SOD1: variants seen among roughly 807,000 people sequenced by gnomAD.
SOD1 encodes superoxide dismutase [Cu-Zn].
Under a neutral mutation model 15.9 loss-of-function variants are expected in SOD1, and 8 were observed. The ratio of observed to expected loss-of-function variants is 0.50; its 90% CI spans 0.30 to 0.91. The LOEUF is 0.91. SOD1 is among the 40% of genes least tolerant of loss of function. The probability of loss-of-function intolerance (pLI) is 0.07; values close to 1 mark genes in which losing one functional copy is unlikely to be tolerated. For synonymous variants in SOD1, 86 were observed against 71.2 expected (o/e 1.21, Z -1.04); for missense variants, 137 against 194.5 (o/e 0.70, Z 1.76).
chr21:31,668,517 G>A lies in SOD1; in HGVS notation c.404G>A (p.Ser135Asn), dbSNP rs121912451. 1 of 1,613,944 alleles carries A rather than the reference G, an allele frequency of 6.2e-7. No homozygotes were observed. The highest frequency in any genetic ancestry group is 2.2e-5 in the East Asian group (1 of 44,860). ...TTGGGCAAAGGTGGAAATGAAGAAA[G>A]TACAAAGACAGGAAACGCTGGAAGT... ...DDLGKGGNEE[S>N]TKTGNAGSRL... Residue 135 changes from serine (S) to asparagine (N), a missense_variant, in exon 5 of 5, where the codon AGT (serine) becomes AAT (asparagine). Physicochemically the swap from Ser to Asn is conservative, Grantham distance 46. Coordinates refer to ENST00000270142, the MANE Select transcript of SOD1 (RefSeq NM_000454.5).
At chr21:31,664,219 C>CCTG in intron 2 of SOD1, 2 of 332,900 alleles carry the variant, frequency 6.0e-6, no homozygotes, top group South Asian at 2.6e-5. Context: ...GTGGTCTATC[C>CCTG]TCCTCGACCT....
intron 3 of SOD1, 52 bp downstream of exon 3, chr21:31,666,570 T>C (rs757128124): frequency 1.6e-6 from 2 of 1,243,848 alleles, no homozygotes; most frequent in Non-Finnish European, 2.4e-6. Flanking sequence ...CTGGAGTTCA[T>C]ATGGTATACT....
chr21:31,668,452 T>A lies in SOD1; in HGVS notation c.358-19T>A, dbSNP rs761642958. ...GATTACTTGACAGCCCAAAGTTATC[T>A]TCTTAAAATTTTTTACAGGTCCATG... On this transcript the variant is annotated intron_variant, in intron 4 of 4. Transcript: ENST00000270142. 2 of 1,595,402 alleles carry A rather than the reference T, an allele frequency of 1.3e-6. No homozygotes were observed. Among genetic ancestry groups the A allele is most frequent in the Non-Finnish European group, 8.6e-7 (1 of 1,162,858 alleles).
intron 2 of SOD1, among the ~76,000 whole-genome samples, 153 bp downstream of exon 2, chr21:31,664,039 C>T (rs1020443974): frequency 5.9e-5 from 9 of 151,950 alleles, no homozygotes; most frequent in Admixed American, 1.3e-4. Context: ...TGGCGCTGTG[C>T]GATCATGGCT....
In SOD1 at chr21:31,667,405, ACTT is replaced by A. The variant is rs772727110; in HGVS notation, c.357+36_357+38del. On this transcript the variant is annotated intron_variant, in intron 4 of 4. Transcript: ENST00000270142. ...GTTTTCATAAAAGGATATGCATAAA[ACTT>A]CTTCTAACATACAGTCATGTATCTT... The A allele has an allele frequency of 2.3e-4, 313 of 1,380,684 alleles. No individual in the cohort carries two copies. The highest frequency in any genetic ancestry group is 3.1e-4 in the Non-Finnish European group (299 of 966,838). 85.5% of individuals were successfully genotyped at this position (1,380,684 alleles called of 1,614,324 possible).
chr21:31,661,828 TGGATAGTGGA>T (rs780429440), intron 1 of SOD1: 1 of 152,280 alleles, frequency 6.6e-6, no homozygotes, highest in Non-Finnish European at 1.5e-5. Flanking sequence ...GAATGAGCCT[TGGATAGTGGA>T]GCATTCCAGC....
rs188140371 is a variant in SOD1, at chr21:31,666,725, C to T, written c.239+207C>T. 11 of 606,074 alleles carry T rather than the reference C, an allele frequency of 1.8e-5. No homozygotes were observed. In the Admixed American group the frequency reaches 1.9e-4, roughly 10 times the overall value. 37.5% of individuals were successfully genotyped at this position (606,074 alleles called of 1,614,324 possible). On this transcript the variant is annotated intron_variant, in intron 3 of 4. Transcript: ENST00000270142. The stretch of plus-strand genomic sequence containing the variant: ...AATTGACAAATGGGGACACTTAAAA[C>T]GATTTGGTTTTGTAGCATTTATTGA...
At chr21:31,663,739 A>C (rs764837116) in intron 1 of SOD1, 51 bp from the exon 2 acceptor site, 10 of 1,375,902 alleles carry the variant, frequency 7.3e-6, no homozygotes, top group Non-Finnish European at 9.3e-6. Context: ...AAGGTAAATC[A>C]GCTGTTTTCT....
chr21:31,662,427 T>TA (rs1285307839), intron 1 of SOD1, among the ~76,000 whole-genome samples: 1 of 152,208 alleles, frequency 6.6e-6, no homozygotes, highest in Non-Finnish European at 1.5e-5. Context: ...CAAACCAAGC[T>TA]AAAAACAAGA....
At chr21:31,662,291 T>C (rs1013885245) in intron 1 of SOD1, among the ~76,000 whole-genome samples, 11 of 152,244 alleles carry the variant, frequency 7.2e-5, no homozygotes, top group Admixed American at 1.3e-4. Context: ...CAGTATCTAT[T>C]GTCAAAAAGA....
intron 1 of SOD1, 91 bp downstream of exon 1, chr21:31,659,932 C>A: frequency 1.5e-6 from 2 of 1,332,984 alleles, no homozygotes; most frequent in Non-Finnish European, 2.1e-6. Context: ...GCCCGCCAGG[C>A]CTCGGGGCCG....
At chr21:31,662,581 T>A (rs959479818) in intron 1 of SOD1, among the ~76,000 whole-genome samples, 1 of 152,170 alleles carries the variant, frequency 6.6e-6, no homozygotes, top group African/African-American at 2.4e-5. Context: ...TACTGCTTGC[T>A]TTCATTTTGG....
chr21:31,665,943 G>A (rs961018225), intron 2 of SOD1, among the ~76,000 whole-genome samples: 2 of 150,868 alleles, frequency 1.3e-5, no homozygotes, highest in Non-Finnish European at 2.9e-5. Flanking sequence ...CTTTACAAGT[G>A]TCAGACAGTA....
chr21:31,659,866 T>TTG (rs1043783037), intron 1 of SOD1, 25 bp downstream of exon 1: 6 of 1,608,384 alleles, frequency 3.7e-6, no homozygotes, highest in Non-Finnish European at 5.1e-6. Flanking sequence ...GGAGGCTTGT[T>TTG]TGCGAGGCCG....
chr21:31,663,755 C>A, intron 1 of SOD1, 35 bp from the exon 2 acceptor site: 1 of 1,502,430 alleles, frequency 6.7e-7, no homozygotes, highest in Non-Finnish European at 9.3e-7. Context: ...TTTCTTTGTT[C>A]AGAAACTCTC....
chr21:31,661,218 G>A (rs1424082798), intron 1 of SOD1, among the ~76,000 whole-genome samples: 1 of 152,236 alleles, frequency 6.6e-6, no homozygotes, highest in South Asian at 2.1e-4. Flanking sequence ...TGAAATATAT[G>A]TGAGGGAGAT....
intron 2 of SOD1, chr21:31,664,225 G>C: frequency 3.1e-6 from 1 of 326,920 alleles, no homozygotes; most frequent in Non-Finnish European, 6.0e-6. Flanking sequence ...TATCCTCCTC[G>C]ACCTCCCAAA....
chr21:31,666,877 T>C, intron 3 of SOD1: 1 of 374,680 alleles, frequency 2.7e-6, no homozygotes, highest in Non-Finnish European at 4.9e-6. Context: ...AAAAAAAAAA[T>C]TGATACTGAA....
chr21:31,659,888 TCGTCCCCCCGCG>T (rs1263348996), intron 1 of SOD1, 47 bp downstream of exon 1: 1 of 1,581,640 alleles, frequency 6.3e-7, no homozygotes, highest in Non-Finnish European at 8.6e-7. Flanking sequence ...TCCCACCCGC[TCGTCCCCCCGCG>T]CACCTTTGCT....
Sources: gnomAD v4.1 joint callset for allele counts (sites outside exome capture counted in the v4.1 genomes callset) on GRCh38, gnomAD v4.1.1 for gene constraint, MANE v1.5 for transcripts, NCBI Gene and HGNC (gene_info 2026-07-23, HGNC 2026-07-21) for gene names.